The following KLF3 variants were observed in gnomAD, a reference collection of about 807,000 sequenced individuals.
KLF3 encodes KLF transcription factor 3.
In KLF3, 6 loss-of-function variants were observed where a neutral mutation model predicts 32.7. The observed-to-expected ratio is 0.18, with a 90% CI of 0.10 to 0.36. The LOEUF is 0.36. Ranked by LOEUF, KLF3 falls within the 10% of genes least tolerant of loss-of-function variation. The pLI, the probability that KLF3 is intolerant of heterozygous loss-of-function variation, is 1.00. For synonymous variants in KLF3, 145 were observed against 172.8 expected (o/e 0.84, Z 1.26); for missense variants, 338 against 449.7 (o/e 0.75, Z 2.25).
intron 1 of KLF3, among the ~76,000 whole-genome samples, chr4:38,666,830 G>A (rs1424421456): frequency 4.6e-5 from 7 of 152,172 alleles, no homozygotes; most frequent in Admixed American, 2.6e-4. Context: ...TGGTTCTGTG[G>A]GGTACCCCAA....
At position 38,697,410 on chromosome 4, in the gene KLF3, C is replaced by A. The variant is rs1445463964; in HGVS notation, c.*147C>A. On this transcript the variant is annotated 3_prime_UTR_variant, in exon 6 of 6. Transcript: ENST00000261438. ...TCTGAATTTATATCATCCAAAACTT[C>A]CATATGGTCAGTAGTAGATGTTCTC... 7.0e-6 allele frequency: 5 copies of A among 713,584 alleles called. No homozygotes were observed. The East Asian group carries it at 1.4e-4, about 20-fold the overall frequency. The allele number at this position is 713,584 out of a possible 1,614,324, so 44.2% of individuals were successfully genotyped here.
chr4:38,677,350 CAA>C (rs1369826410), intron 1 of KLF3, among the ~76,000 whole-genome samples: 1 of 152,088 alleles, frequency 6.6e-6, no homozygotes, highest in Non-Finnish European at 1.5e-5. Context: ...AATTAAAGAA[CAA>C]TAGTGATTTA....
In KLF3 at chr4:38,693,350, T is replaced by TA. The variant is rs3839135; in HGVS notation, c.696-1385dup. Among the ~76,000 whole-genome samples the TA allele has an allele frequency of 4.7e-3, 695 of 147,554 alleles. 5 individuals carry two copies. Among genetic ancestry groups the TA allele is most frequent in the Middle Eastern group, 0.045 (13 of 288 alleles). On this transcript the variant is annotated intron_variant, in intron 4 of 5. Coordinates refer to ENST00000261438, the MANE Select transcript of KLF3 (RefSeq NM_016531.6). ...AGCAGTAAATAAATAATGTTTTTTT[T>TA]AAAAAAAAAAAGCATGAGAAGTAAG...
At chr4:38,696,939 T>A in intron 5 of KLF3, 143 bp from the exon 6 acceptor site, 1 of 625,088 alleles carries the variant, frequency 1.6e-6, no homozygotes, top group South Asian at 2.8e-5. Context: ...CTTGCTTGTC[T>A]TGCAGTAGTT....
At position 38,674,243 on chromosome 4, in the gene KLF3, G is replaced by A. The variant is rs2109240393; in HGVS notation, c.-39-6344G>A. 6.6e-6 allele frequency among the ~76,000 whole-genome samples: 1 copy of A among 152,214 alleles called. No individual in the cohort carries two copies. Among genetic ancestry groups the A allele is most frequent in the South Asian group, 2.1e-4 (1 of 4,830 alleles). On this transcript the variant is annotated intron_variant, in intron 1 of 5. Transcript: ENST00000261438. This position sits in a 1 kb window ranked among gnomAD's most constrained non-coding sequence, Gnocchi z 4.1. ...TTAAAAATGCCTGCTGACATCTGTT[G>A]CCTGTCCCCTGTATTTCTGGCTAGG...
chr4:38,696,209 C>T (rs959944939), intron 5 of KLF3, among the ~76,000 whole-genome samples: 3 of 115,364 alleles, frequency 2.6e-5, no homozygotes, highest in Admixed American at 8.4e-5. Context: ...AAAAAAAAAA[C>T]GCCTCTTTGT....
rs936442434 is a variant in KLF3, at chr4:38,699,367, C to T, written c.*2104C>T. 3.9e-5 allele frequency: 6 copies of T among 152,032 alleles called. No individual in the cohort carries two copies. Among genetic ancestry groups the T allele is most frequent in the Admixed American group, 3.9e-4 (6 of 15,270 alleles). 9.4% of individuals were successfully genotyped at this position (152,032 alleles called of 1,614,324 possible). On this transcript the variant is annotated 3_prime_UTR_variant, in exon 6 of 6. Coordinates refer to ENST00000261438, the MANE Select transcript of KLF3 (RefSeq NM_016531.6). ...GTAGATATTGTCTGTATTGTAAATG[C>T]TTAGTCATATTCATGGCAAAGTGTT...
In KLF3 at chr4:38,674,575, G is replaced by A. The variant is rs1272466026; in HGVS notation, c.-39-6012G>A. Among the ~76,000 whole-genome samples, 3 of 152,078 alleles carry A rather than the reference G, an allele frequency of 2.0e-5. No individual in the cohort carries two copies. The highest frequency in any genetic ancestry group is 2.1e-4 in the South Asian group (1 of 4,832). On this transcript the variant is annotated intron_variant, in intron 1 of 5. Coordinates refer to ENST00000261438, the MANE Select transcript of KLF3 (RefSeq NM_016531.6). The surrounding 1 kb of genome is among the most constrained non-coding windows in gnomAD (Gnocchi z 4.1). The stretch of plus-strand genomic sequence containing the variant: ...CGATGGTGTGTTAGTGTATTGCTCC[G>A]TATGCCTAGCCGAGGTCAGCTGGGA...
chr4:38,683,285 C>T (rs1424865387), intron 2 of KLF3, among the ~76,000 whole-genome samples: 1 of 152,162 alleles, frequency 6.6e-6, no homozygotes, highest in African/African-American at 2.4e-5. Context: ...TTCTCCCCCT[C>T]TTCCCACCCC....
chr4:38,687,363 A>G (rs1722734502), intron 2 of KLF3, among the ~76,000 whole-genome samples: 1 of 152,256 alleles, frequency 6.6e-6, no homozygotes, highest in African/African-American at 2.4e-5. Context: ...AAGAAAATTT[A>G]CAACAAAATG....
chr4:38,677,190 A>G (rs544033919), intron 1 of KLF3, among the ~76,000 whole-genome samples: 14 of 151,952 alleles, frequency 9.2e-5, no homozygotes, highest in African/African-American at 2.9e-4. Context: ...TCAATCTCCT[A>G]TCCTCAGTGA....
intron 1 of KLF3, among the ~76,000 whole-genome samples, chr4:38,680,282 C>T (rs922014027): frequency 1.1e-4 from 16 of 151,898 alleles, no homozygotes; most frequent in African/African-American, 3.4e-4. Flanking sequence ...GGTGCCATTT[C>T]GGCTCACTGC....
intron 1 of KLF3, among the ~76,000 whole-genome samples, chr4:38,677,614 G>A (rs1458539435): frequency 6.6e-6 from 1 of 152,222 alleles, no homozygotes; most frequent in African/African-American, 2.4e-5. Flanking sequence ...CTCAGAAGCT[G>A]TTGTTGCAGT....
intron 2 of KLF3, among the ~76,000 whole-genome samples, chr4:38,686,757 C>T (rs1235674600): frequency 6.6e-6 from 1 of 152,048 alleles, no homozygotes; most frequent in Non-Finnish European, 1.5e-5. Flanking sequence ...GTAGGTTATC[C>T]CATAACCTTG....
At chr4:38,666,907 T>C (rs1350646115) in intron 1 of KLF3, among the ~76,000 whole-genome samples, 1 of 152,230 alleles carries the variant, frequency 6.6e-6, no homozygotes, top group African/African-American at 2.4e-5. Flanking sequence ...GGCTGAACCA[T>C]AATCATTACC....
chr4:38,678,829 A>C (rs1403551700), intron 1 of KLF3, among the ~76,000 whole-genome samples: 1 of 152,166 alleles, frequency 6.6e-6, no homozygotes, highest in Admixed American at 6.5e-5. Context: ...TGCCACTCAA[A>C]CCAGGGTGAT....
At chr4:38,673,341 T>C (rs1722254817) in intron 1 of KLF3, among the ~76,000 whole-genome samples, 1 of 152,054 alleles carries the variant, frequency 6.6e-6, no homozygotes, top group Non-Finnish European at 1.5e-5. Context: ...TCTCCAGTGA[T>C]AGGGAGGGCA....
At chr4:38,666,862 G>C (rs1722058974) in intron 1 of KLF3, among the ~76,000 whole-genome samples, 1 of 152,168 alleles carries the variant, frequency 6.6e-6, no homozygotes, top group South Asian at 2.1e-4. Flanking sequence ...ATTCCTAACA[G>C]CAGTGCTCTA....
intron 2 of KLF3, among the ~76,000 whole-genome samples, chr4:38,682,678 T>C (rs770729146): frequency 1.6e-4 from 25 of 152,018 alleles, no homozygotes; most frequent in Non-Finnish European, 3.1e-4. Flanking sequence ...TATATATAAT[T>C]AAGTGCAAGG....
Sources: allele counts gnomAD v4.1 joint callset (sites outside exome capture counted in the v4.1 genomes callset), GRCh38; gene constraint gnomAD v4.1.1; non-coding constraint Gnocchi (gnomAD v3.1); transcripts MANE v1.5; gene names NCBI Gene and HGNC (gene_info 2026-07-23, HGNC 2026-07-21).